The following ARHGEF10 variants were observed in gnomAD, a reference collection of about 807,000 sequenced individuals.
ARHGEF10 encodes the protein Rho guanine nucleotide exchange factor 10, also known as Rho guanine nucleotide exchange factor (GEF) 10.
A neutral mutation model predicts 147.4 loss-of-function variants in ARHGEF10; 140 were observed. The observed-to-expected ratio is 0.95, with a 90% CI of 0.83 to 1.09. The LOEUF (loss-of-function observed/expected upper bound fraction) is 1.09, where lower values mean the gene tolerates loss of function less well. Among genes scored for constraint, ARHGEF10 ranks in the 50% least tolerant of loss-of-function variants. ARHGEF10 has a pLI of 0.00. For missense variants in ARHGEF10, 2,222 were observed against 1,752.7 expected, an observed-to-expected ratio of 1.27 and a Z score of -4.78; for synonymous variants, 902 against 695.8, an observed-to-expected ratio of 1.30 and a Z score of -4.67.
chr8:1,850,309 G>A (rs1318491067), intron 2 of ARHGEF10, among the ~76,000 whole-genome samples: 2 of 140,428 alleles, frequency 1.4e-5, no homozygotes, highest in Admixed American at 7.1e-5. Context: ...GACGGCAAAT[G>A]CTGAGGAGGG....
rs1563173827 is a variant in ARHGEF10 at position 1,850,027 on chromosome 8, TGGACACAGAGGGCAAA to T, written c.37+6592_37+6607del. Among the ~76,000 whole-genome samples, 781 of 83,752 alleles carry T rather than the reference TGGACACAGAGGGCAAA, an allele frequency of 9.3e-3. 4 individuals are homozygous for T. Among genetic ancestry groups the T allele is most frequent in the Middle Eastern group, 0.022 (2 of 90 alleles). The allele number at this position is 83,752 out of a possible 152,430, so 54.9% of individuals were successfully genotyped here. ...CTGAGGAGGGCGTGGGCCGGCTGCA[TGGACACAGAGGGCAAA>T]TGCTGAGGAGGGCGTGGGCCGGCTG... On this transcript the variant is annotated intron_variant, in intron 2 of 28. Coordinates refer to ENST00000349830, the MANE Select transcript of ARHGEF10 (RefSeq NM_014629.4).
At chr8:1,872,198 C>G (rs1258255016) in intron 7 of ARHGEF10, among the ~76,000 whole-genome samples, 1 of 152,112 alleles carries the variant, frequency 6.6e-6, no homozygotes, top group East Asian at 1.9e-4. Flanking sequence ...TAAAAATTGC[C>G]TTGAAGAATC....
At chr8:1,953,813 C>G (rs1815256273) in intron 28 of ARHGEF10, among the ~76,000 whole-genome samples, 1 of 152,094 alleles carries the variant, frequency 6.6e-6, no homozygotes, top group African/African-American at 2.4e-5. Context: ...GCCTTAGATT[C>G]TATGTGGGTT....
intron 27 of ARHGEF10, among the ~76,000 whole-genome samples, chr8:1,946,130 A>C (rs1814570426): frequency 6.6e-6 from 1 of 152,062 alleles, no homozygotes; most frequent in African/African-American, 2.4e-5. Flanking sequence ...TGGGCAGGGG[A>C]GAAGGCCATT....
intron 2 of ARHGEF10, among the ~76,000 whole-genome samples, chr8:1,844,465 T>TCACCGGGGCCTGGTAGATGACAGA (rs1329433075): frequency 1.3e-5 from 2 of 151,356 alleles, no homozygotes; most frequent in Admixed American, 6.6e-5. Context: ...AATCCAGGGG[T>TCACCGGGGCCTGGTAGATGACAGA]GAGCAGTGGC....
In ARHGEF10 at chr8:1,900,593, C is replaced by G. The variant is rs78240379; in HGVS notation, c.1650+2068C>G. 2.2e-3 allele frequency among the ~76,000 whole-genome samples: 336 copies of G among 152,294 alleles called. 8 individuals carry two copies. The East Asian group carries it at 0.048, about 22-fold the overall frequency. On this transcript the variant is annotated intron_variant, in intron 15 of 28. Transcript: ENST00000349830. ...GCGCTGTCGGACGGGCATGGCCTGC[C>G]TGTTACACACTGCGCCGTTTACAAA...
At chr8:1,850,375 C>T (rs1380138843) in intron 2 of ARHGEF10, among the ~76,000 whole-genome samples, 3 of 145,118 alleles carry the variant, frequency 2.1e-5, no homozygotes, top group South Asian at 2.2e-4. Flanking sequence ...GGGGCGGCCG[C>T]GTGGGCATGG....
chr8:1,875,289 A>G (rs926380348), intron 7 of ARHGEF10, among the ~76,000 whole-genome samples: 2 of 151,720 alleles, frequency 1.3e-5, no homozygotes, highest in African/African-American at 4.9e-5. Context: ...AGGCTGGAGG[A>G]ACAGTGGAGA....
chr8:1,836,039 G>C (rs1441921718), intron 1 of ARHGEF10, among the ~76,000 whole-genome samples: 1 of 151,836 alleles, frequency 6.6e-6, no homozygotes, highest in Non-Finnish European at 1.5e-5. Flanking sequence ...AAATTAGCCA[G>C]GCGTGGTGGC....
chr8:1,935,957 C>T (rs920069693), intron 26 of ARHGEF10, among the ~76,000 whole-genome samples: 1 of 152,166 alleles, frequency 6.6e-6, no homozygotes, highest in African/African-American at 2.4e-5. Context: ...ATGAGCCCAC[C>T]CGTGTCTGCT....
intron 25 of ARHGEF10, 116 bp downstream of exon 25, chr8:1,929,559 C>T (rs998520351): frequency 1.4e-5 from 18 of 1,273,920 alleles, no homozygotes; most frequent in East Asian, 7.4e-5. Context: ...CCTGTGCCTC[C>T]GCCCCTGCGC....
chr8:1,851,533 G>A (rs565225983), intron 2 of ARHGEF10, among the ~76,000 whole-genome samples: 2 of 151,696 alleles, frequency 1.3e-5, no homozygotes, highest in Non-Finnish European at 2.9e-5. Flanking sequence ...CTCTTTGGGG[G>A]TGGGGAGTAT....
At chr8:1,833,531 A>T (rs1285589190) in intron 1 of ARHGEF10, among the ~76,000 whole-genome samples, 1 of 152,162 alleles carries the variant, frequency 6.6e-6, no homozygotes, top group Non-Finnish European at 1.5e-5. Flanking sequence ...CGCCCCAAGC[A>T]CGGCCCTCAC....
chr8:1,889,469 A>T (rs1438058443), intron 11 of ARHGEF10, among the ~76,000 whole-genome samples: 7 of 37,474 alleles, frequency 1.9e-4, no homozygotes, highest in African/African-American at 1.3e-3. Flanking sequence ...GGGGTCTGTG[A>T]GGAGACACTG....
chr8:1,893,722 T>G (rs1809737623), intron 12 of ARHGEF10, 76 bp downstream of exon 12: 1 of 1,185,344 alleles, frequency 8.4e-7, no homozygotes, highest in Admixed American at 1.7e-5. Context: ...GATCCATAAA[T>G]GCAAAGCATA....
At chr8:1,869,896 G>A (rs1440833456) in intron 7 of ARHGEF10, 6 of 159,550 alleles carry the variant, frequency 3.8e-5, no homozygotes, top group Admixed American at 1.2e-4. Flanking sequence ...GCAAAGTACA[G>A]TCCTTTAGAA....
intron 1 of ARHGEF10, among the ~76,000 whole-genome samples, chr8:1,841,826 T>C (rs866726889): frequency 7.4e-5 from 7 of 95,006 alleles, no homozygotes; most frequent in South Asian, 3.4e-4. Context: ...CGGCGGGAAC[T>C]GGGGCCGCGA....
chr8:1,844,465 T>TCACCGGGGCCTGGTGGACGACAGAGACAG (rs1329433075), intron 2 of ARHGEF10, among the ~76,000 whole-genome samples: 1 of 151,356 alleles, frequency 6.6e-6, no homozygotes, highest in African/African-American at 2.4e-5. Context: ...AATCCAGGGG[T>TCACCGGGGCCTGGTGGACGACAGAGACAG]GAGCAGTGGC....
intron 11 of ARHGEF10, among the ~76,000 whole-genome samples, chr8:1,888,204 TTAGTGGGGC>T (rs1808921172): frequency 4.5e-5 from 2 of 43,998 alleles, no homozygotes; most frequent in African/African-American, 1.3e-4. Flanking sequence ...GAGGAGACAC[TTAGTGGGGC>T]GAGGGTTGCG....
Sources: allele counts gnomAD v4.1 joint callset (sites outside exome capture counted in the v4.1 genomes callset), GRCh38; gene constraint gnomAD v4.1.1; transcripts MANE v1.5; gene names NCBI Gene and HGNC (gene_info 2026-07-23, HGNC 2026-07-21).